The following NLGN1 variants were observed in gnomAD, a reference collection of about 807,000 sequenced individuals.
NLGN1 encodes neuroligin-1.
A neutral mutation model predicts 65.5 loss-of-function variants in NLGN1; 12 were observed. The ratio of observed to expected loss-of-function variants is 0.18; its 90% confidence interval spans 0.12 to 0.30. NLGN1 has a LOEUF of 0.30. Among genes scored for constraint, NLGN1 ranks in the 10% least tolerant of loss-of-function variants. NLGN1 has a pLI of 1.00. For synonymous variants in NLGN1, 350 were observed against 359.5 expected (o/e 0.97, Z 0.30); for missense variants, 750 against 1,007.1 (o/e 0.74, Z 3.46).
chr3:173,527,306 G>T (rs764362502), intron 2 of NLGN1, among the ~76,000 whole-genome samples: 2 of 152,166 alleles, frequency 1.3e-5, no homozygotes, highest in Non-Finnish European at 2.9e-5. Flanking sequence ...TTTCTCTGAT[G>T]ATCAGTGATA....
chr3:174,074,684 T>C (rs1305873709), intron 4 of NLGN1, among the ~76,000 whole-genome samples: 1 of 152,168 alleles, frequency 6.6e-6, no homozygotes, highest in East Asian at 1.9e-4. Flanking sequence ...ACCACAAACA[T>C]TGATATAAGT....
chr3:173,954,813 A>G (rs150741818), intron 4 of NLGN1, among the ~76,000 whole-genome samples: 3 of 152,162 alleles, frequency 2.0e-5, no homozygotes, highest in Admixed American at 2.0e-4. Context: ...ATAAACATAC[A>G]TATATATGCA....
At chr3:173,441,601 T>C (rs115192826) in intron 2 of NLGN1, among the ~76,000 whole-genome samples, 1 of 152,112 alleles carries the variant, frequency 6.6e-6, no homozygotes, top group East Asian at 1.9e-4. Context: ...AACACACATA[T>C]TTGTCAGTTA....
intron 2 of NLGN1, among the ~76,000 whole-genome samples, chr3:173,445,255 G>A (rs531566194): frequency 8.4e-6 from 1 of 119,454 alleles, no homozygotes; most frequent in African/African-American, 3.4e-5. Flanking sequence ...GCGACAGAGC[G>A]AGACTCCGTC....
intron 2 of NLGN1, among the ~76,000 whole-genome samples, chr3:173,539,693 C>CATATATACATATAGGTACAT (rs1560406627): frequency 1.0e-5 from 1 of 95,392 alleles, no homozygotes; most frequent in African/African-American, 4.5e-5. Flanking sequence ...CATATATGTA[C>CATATATACATATAGGTACAT]ATATGCACAT....
intron 2 of NLGN1, among the ~76,000 whole-genome samples, chr3:173,595,422 A>C (rs1412369518): frequency 1.3e-5 from 2 of 152,194 alleles, no homozygotes; most frequent in Non-Finnish European, 2.9e-5. Flanking sequence ...TCTCATCTTC[A>C]TCTGAGACCA....
chr3:173,922,197 A>G (rs1010991501), intron 4 of NLGN1, among the ~76,000 whole-genome samples: 5 of 152,108 alleles, frequency 3.3e-5, no homozygotes, highest in Non-Finnish European at 7.4e-5. Flanking sequence ...TAAAATTTGT[A>G]TAAAGAACTA....
At chr3:173,821,269 A>T (rs963032904) in intron 4 of NLGN1, among the ~76,000 whole-genome samples, 1 of 152,218 alleles carries the variant, frequency 6.6e-6, no homozygotes, top group Non-Finnish European at 1.5e-5. Flanking sequence ...CTTTGAAAAA[A>T]GCCATCTTTA....
In NLGN1 at chr3:173,965,926, A is replaced by G. The variant is rs144619485; in HGVS notation, c.646+158094A>G. On this transcript the variant is annotated intron_variant, in intron 4 of 6. Transcript: ENST00000457714. ...TATAAATATACATATTTTATATTAT[A>G]TACATCTGTTTGTGTGTACATTTTG... 3.4e-3 allele frequency among the ~76,000 whole-genome samples: 516 copies of G among 152,266 alleles called. 5 individuals carry two copies. The highest frequency in any genetic ancestry group is 0.011 in the African/African-American group (477 of 41,564).
At chr3:173,415,105 C>T (rs545150299) in intron 1 of NLGN1, among the ~76,000 whole-genome samples, 4 of 152,268 alleles carry the variant, frequency 2.6e-5, no homozygotes, top group South Asian at 2.1e-4. Flanking sequence ...TTTTGAAAAC[C>T]GCATTTGTTT....
intron 2 of NLGN1, among the ~76,000 whole-genome samples, chr3:173,596,516 CAAG>C (rs1366054639): frequency 7.9e-5 from 12 of 152,160 alleles, no homozygotes; most frequent in African/African-American, 2.9e-4. Context: ...TTATCTGTTA[CAAG>C]AAGATGATAA....
chr3:174,044,866 T>A (rs949989458), intron 4 of NLGN1, among the ~76,000 whole-genome samples: 1 of 152,118 alleles, frequency 6.6e-6, no homozygotes, highest in Non-Finnish European at 1.5e-5. Context: ...TCTCATGAGA[T>A]CCAATGATCT....
At chr3:173,673,976 T>G (rs1051934950) in intron 3 of NLGN1, among the ~76,000 whole-genome samples, 3 of 152,050 alleles carry the variant, frequency 2.0e-5, no homozygotes, top group African/African-American at 7.2e-5. Flanking sequence ...CCTGTGTAAA[T>G]GAAGAGGGTG....
At chr3:174,139,363 C>T (rs115453964) in intron 4 of NLGN1, among the ~76,000 whole-genome samples, 2,093 of 152,012 alleles carry the variant, frequency 0.014, 43 homozygotes, top group African/African-American at 0.044. Flanking sequence ...TGGAATCACA[C>T]GATACATAGC....
chr3:173,730,878 A>G (rs917426026), intron 3 of NLGN1, among the ~76,000 whole-genome samples: 9 of 152,118 alleles, frequency 5.9e-5, no homozygotes, highest in African/African-American at 2.2e-4. Context: ...TCTCTGATAT[A>G]TTCTCTTTGA....
intron 1 of NLGN1, among the ~76,000 whole-genome samples, chr3:173,419,517 G>A (rs535180185): frequency 3.9e-4 from 59 of 152,156 alleles, no homozygotes; most frequent in Non-Finnish European, 6.8e-4. Flanking sequence ...TTGGATTTAG[G>A]CAGTTTTTGA....
At chr3:173,996,711 A>G (rs1218815736) in intron 4 of NLGN1, among the ~76,000 whole-genome samples, 1 of 152,078 alleles carries the variant, frequency 6.6e-6, no homozygotes, top group Non-Finnish European at 1.5e-5. Flanking sequence ...TGTTCTGAGA[A>G]CTACACTTTG....
At chr3:173,525,727 G>A (rs534665166) in intron 2 of NLGN1, among the ~76,000 whole-genome samples, 154 of 152,110 alleles carry the variant, frequency 1.0e-3, no homozygotes, top group African/African-American at 2.7e-3. Flanking sequence ...TCTGATGTAG[G>A]CATTTAATGC....
chr3:173,662,571 T>C (rs1761082067), intron 3 of NLGN1, among the ~76,000 whole-genome samples: 1 of 152,064 alleles, frequency 6.6e-6, no homozygotes, highest in African/African-American at 2.4e-5. Context: ...TTTCTATTCT[T>C]ACTCCTTTTG....
Sources: gnomAD v4.1 joint callset for allele counts (sites outside exome capture counted in the v4.1 genomes callset) on GRCh38, gnomAD v4.1.1 for gene constraint, MANE v1.5 for transcripts, NCBI Gene and HGNC (gene_info 2026-07-23, HGNC 2026-07-21) for gene names.